Variants in LMO7 observed in about 807,000 individuals in gnomAD.
LMO7 encodes LIM domain 7.
In LMO7, 120 loss-of-function variants were observed where a neutral mutation model predicts 206.5. That is an observed-to-expected ratio of 0.58 (90% CI 0.50 to 0.68). The LOEUF is 0.68. Ranked by LOEUF, LMO7 falls within the 30% of genes least tolerant of loss-of-function variation. The pLI is 0.00. For synonymous variants in LMO7, 706 were observed against 681.5 expected, an observed-to-expected ratio of 1.04 and a Z score of -0.56; for missense variants, 1,959 against 1,957.9, an observed-to-expected ratio of 1.00 and a Z score of -0.01.
At chr13:75,820,540 A>G (rs1326950458) in intron 13 of LMO7, among the ~76,000 whole-genome samples, 2 of 152,262 alleles carry the variant, frequency 1.3e-5, no homozygotes, top group Admixed American at 6.5e-5. Flanking sequence ...TTTAAAAGTT[A>G]TAAGCTTGTG....
chr13:75,647,171 C>T lies in LMO7; in HGVS notation c.69+10445C>T, dbSNP rs561215680. 3.3e-5 allele frequency among the ~76,000 whole-genome samples: 5 copies of T among 152,228 alleles called. No homozygotes were observed. The South Asian group carries it at 6.2e-4, about 19-fold the overall frequency. ...ACAAGGACTTATTTTGTTTTCAAGTCGTGAATAGTGCCAAGTATTTACTAG... is the reference window on the plus strand; with the variant it reads ...ACAAGGACTTATTTTGTTTTCAAGTTGTGAATAGTGCCAAGTATTTACTAG... On this transcript the variant is annotated intron_variant, in intron 1 of 30. Transcript: ENST00000377534.
intron 11 of LMO7, among the ~76,000 whole-genome samples, chr13:75,816,627 ACAAGT>A (rs2057026828): frequency 6.6e-6 from 1 of 151,806 alleles, no homozygotes; most frequent in African/African-American, 2.4e-5. Flanking sequence ...TGCGTTGAGA[ACAAGT>A]CTAGTGCAGT....
At position 75,821,501 on chromosome 13, in the gene LMO7, C is replaced by G. The variant is rs767543079; in HGVS notation, c.2532C>G (p.Leu844=). 1.2e-6 allele frequency: 2 copies of G among 1,614,054 alleles called. No individual in the cohort carries two copies. The highest frequency in any genetic ancestry group is 1.7e-6 in the Non-Finnish European group (2 of 1,179,920). Residue 844 remains leucine, a synonymous_variant, in exon 14 of 31, where the codon CTC becomes CTG. Coordinates refer to ENST00000377534, the MANE Select transcript of LMO7 (RefSeq NM_001306080.2). ...AATCAACTCGTGTTTCAGCTTCTCTCCCCAGAAGTTACCGGAAAACTGATA... is the reference window on the plus strand; with the variant it reads ...AATCAACTCGTGTTTCAGCTTCTCTGCCCAGAAGTTACCGGAAAACTGATA... The part of the protein sequence containing the change: ...QMESTRVSAS[L]PRSYRKTDTV...
chr13:75,782,858 A>G (rs112134223), intron 4 of LMO7, among the ~76,000 whole-genome samples: 12 of 152,164 alleles, frequency 7.9e-5, no homozygotes, highest in African/African-American at 2.9e-4. Context: ...TATGTTTAGG[A>G]CCCACTGGGA....
At position 75,824,281 on chromosome 13, in the gene LMO7, G is replaced by A. The variant is rs190847866; in HGVS notation, c.2949+408G>A. On this transcript the variant is annotated intron_variant, in intron 15 of 30. Coordinates refer to ENST00000377534, the MANE Select transcript of LMO7 (RefSeq NM_001306080.2). ...CCTTTCCCAGGGAACTCAACTGGCC[G>A]CAAGGAAAAACATGATAGGTGCTGG... 3.4e-3 allele frequency among the ~76,000 whole-genome samples: 517 copies of A among 152,222 alleles called. 2 individuals carry two copies. Among genetic ancestry groups the A allele is most frequent in the Middle Eastern group, 0.02 (6 of 294 alleles).
intron 1 of LMO7, among the ~76,000 whole-genome samples, chr13:75,660,337 A>T (rs2038458781): frequency 6.6e-6 from 1 of 152,236 alleles, no homozygotes; most frequent in Non-Finnish European, 1.5e-5. Flanking sequence ...CTTTAAAAAA[A>T]TTTAAAATTT....
intron 1 of LMO7, among the ~76,000 whole-genome samples, chr13:75,656,391 A>G (rs1262574965): frequency 1.3e-5 from 2 of 152,138 alleles, no homozygotes; most frequent in Non-Finnish European, 2.9e-5. Flanking sequence ...TGCACTATTA[A>G]TATTATCGTA....
At chr13:75,782,788 C>T (rs1332342894) in intron 4 of LMO7, among the ~76,000 whole-genome samples, 1 of 152,182 alleles carries the variant, frequency 6.6e-6, no homozygotes, top group Non-Finnish European at 1.5e-5. Flanking sequence ...GGTCACAATC[C>T]CTTCTCCTCT....
At chr13:75,655,355 C>T (rs954496456) in intron 1 of LMO7, among the ~76,000 whole-genome samples, 22 of 152,024 alleles carry the variant, frequency 1.4e-4, no homozygotes, top group African/African-American at 4.8e-4. Context: ...CTGTTACAAG[C>T]TTATTTGGAA....
chr13:75,833,271 G>A (rs779933742), intron 16 of LMO7, 106 bp downstream of exon 16: 22 of 695,098 alleles, frequency 3.2e-5, no homozygotes, highest in South Asian at 1.0e-4. Flanking sequence ...AGGAGAAAAC[G>A]TGAAAAATGC....
At chr13:75,633,597 A>G (rs1455363037), upstream of LMO7, among the ~76,000 whole-genome samples, 1 of 152,148 alleles carries the variant, frequency 6.6e-6, no homozygotes, top group Non-Finnish European at 1.5e-5. Context: ...TTTTTCAATA[A>G]GGCAATGTCA....
intron 12 of LMO7, among the ~76,000 whole-genome samples, chr13:75,818,550 GA>G (rs2057280751): frequency 1.3e-5 from 2 of 152,164 alleles, no homozygotes; most frequent in South Asian, 4.1e-4. Flanking sequence ...TTCTGGGGGG[GA>G]TTGAAAAGCT....
chr13:75,810,795 A>C (rs1018694802), intron 11 of LMO7, among the ~76,000 whole-genome samples: 5 of 152,226 alleles, frequency 3.3e-5, no homozygotes, highest in African/African-American at 9.7e-5. Context: ...CAGTGGCTGG[A>C]TGTGTTCCCT....
rs1258838566 is a variant in LMO7 at position 75,737,853 on chromosome 13, A to AC, written c.210+10755_210+10756insC. Among the ~76,000 whole-genome samples the AC allele has an allele frequency of 1.5e-4, 22 of 145,676 alleles. 1 individual carries two copies. The highest frequency in any genetic ancestry group is 1.5e-3 in the Admixed American group (22 of 14,712). On this transcript the variant is annotated intron_variant, in intron 3 of 30. Coordinates refer to ENST00000377534, the MANE Select transcript of LMO7 (RefSeq NM_001306080.2). The stretch of plus-strand genomic sequence containing the variant: ...TCACAGGAAGCTGCCAAAAAAAAAA[A>AC]AAAAAAAAAAACACAGTACAAAAAT...
At chr13:75,745,837 C>A (rs746075633) in intron 3 of LMO7, among the ~76,000 whole-genome samples, 1 of 152,200 alleles carries the variant, frequency 6.6e-6, no homozygotes, top group African/African-American at 2.4e-5. Flanking sequence ...CAGGAACTCA[C>A]ATCATTCCAT....
chr13:75,668,479 T>C (rs1021262742), intron 1 of LMO7, among the ~76,000 whole-genome samples: 32 of 152,196 alleles, frequency 2.1e-4, no homozygotes, highest in African/African-American at 7.7e-4. Flanking sequence ...TGTCCTCTTA[T>C]TTCTGAAGGC....
At chr13:75,777,746 T>C (rs975783903) in intron 4 of LMO7, among the ~76,000 whole-genome samples, 4 of 150,220 alleles carry the variant, frequency 2.7e-5, no homozygotes, top group African/African-American at 9.8e-5. Flanking sequence ...CCCGGGTTCA[T>C]GCCATTTCCC....
intron 1 of LMO7, among the ~76,000 whole-genome samples, chr13:75,646,101 T>C (rs2036982811): frequency 6.6e-6 from 1 of 152,110 alleles, no homozygotes; most frequent in Non-Finnish European, 1.5e-5. Context: ...CATCTCCTCA[T>C]CTCTCCAATG....
At chr13:75,852,490 A>G (rs963935828) in intron 27 of LMO7, among the ~76,000 whole-genome samples, 3 of 152,216 alleles carry the variant, frequency 2.0e-5, no homozygotes, top group Non-Finnish European at 4.4e-5. Flanking sequence ...AACCTAAAAT[A>G]AAAGTTGGAA....
Sources: gnomAD v4.1 joint callset for allele counts (sites outside exome capture counted in the v4.1 genomes callset) on GRCh38, gnomAD v4.1.1 for gene constraint, MANE v1.5 for transcripts, NCBI Gene and HGNC (gene_info 2026-07-23, HGNC 2026-07-21) for gene names.